Variants in PDE4A observed in about 807,000 individuals in gnomAD.
The protein encoded by PDE4A is 3',5'-cyclic-AMP phosphodiesterase 4A.
PDE4A carries 21 observed loss-of-function variants against 73.9 expected under a neutral mutation model. That is an observed-to-expected ratio of 0.28 (90% CI 0.20 to 0.41). The LOEUF is 0.41. PDE4A is among the 10% of genes least tolerant of loss of function. PDE4A has a pLI of 1.00. For synonymous variants in PDE4A, 463 were observed against 505.4 expected, an observed-to-expected ratio of 0.92 and a Z score of 1.13; for missense variants, 958 against 1,211.4, an observed-to-expected ratio of 0.79 and a Z score of 3.10.
At chr19:10,433,205 G>C (rs1484633844) in intron 1 of PDE4A, among the ~76,000 whole-genome samples, 1 of 151,994 alleles carries the variant, frequency 6.6e-6, no homozygotes, top group Non-Finnish European at 1.5e-5. Flanking sequence ...GTCACCTGGT[G>C]TTTACCGTAC....
chr19:10,422,729 G>A (rs929361874), intron 1 of PDE4A, among the ~76,000 whole-genome samples: 18 of 152,118 alleles, frequency 1.2e-4, no homozygotes, highest in Non-Finnish European at 2.9e-5. Flanking sequence ...CCACCAGGAA[G>A]CAAGTGTCAC....
rs1202649040 is a variant in PDE4A at position 10,437,225 on chromosome 19, GT to G, written c.321-8992del. ...TGCAATCTCCACCTCCCAGGATCAA[GT>G]GATTCTCCTGCCTCAGCCTCCTGAG... On this transcript the variant is annotated intron_variant, in intron 1 of 14. Transcript: ENST00000380702. Among the ~76,000 whole-genome samples the G allele has an allele frequency of 1.1e-3, 171 of 152,106 alleles. 1 individual carries two copies. The highest frequency in any genetic ancestry group is 4.1e-3 in the African/African-American group (170 of 41,506).
chr19:10,459,204 G>T, intron 8 of PDE4A, 196 bp from the exon 9 acceptor site: 2 of 906,752 alleles, frequency 2.2e-6, no homozygotes, highest in East Asian at 2.7e-5. Flanking sequence ...GTACTCAAAA[G>T]ACAGTGGCTG....
rs552971429 is a variant in PDE4A at position 10,432,183 on chromosome 19, G to A, written c.320+11099G>A. ...GGCCTAGGAGGGAGGAGACGGGGGG[G>A]GGGGGGGGAAGTGTGCGTCCGACTC... On this transcript the variant is annotated intron_variant, in intron 1 of 14. Transcript: ENST00000380702. 2.2e-4 allele frequency among the ~76,000 whole-genome samples: 31 copies of A among 142,730 alleles called. 3 individuals are homozygous for A. The highest frequency in any genetic ancestry group is 1.9e-3 in the South Asian group (8 of 4,228). The allele number at this position is 142,730 out of a possible 152,430, so 93.6% of individuals were successfully genotyped here.
At chr19:10,427,993 C>CAAAAAAA (rs5827099) in intron 1 of PDE4A, 1 of 107,718 alleles carries the variant, frequency 9.3e-6, no homozygotes, top group Non-Finnish European at 1.7e-5. Flanking sequence ...GAGACCCTGT[C>CAAAAAAA]AAAAAAAAAA....
In PDE4A at chr19:10,461,581, G is replaced by A; in HGVS notation, c.1521G>A (p.Leu507=). Residue 507 remains leucine (L), a synonymous_variant, in exon 12 of 15, where the codon CTG becomes CTA. Coordinates refer to ENST00000380702, the MANE Select transcript of PDE4A (RefSeq NM_001111307.2). ...NDESVLENHH[L]AVGFKLLQED... ...AGTCGGTGCTCGAGAATCACCACCT[G>A]GCCGTGGGCTTCAAGCTGCTGCAGG... The A allele has an allele frequency of 1.2e-6, 2 of 1,614,124 alleles. No homozygotes were observed. The highest frequency in any genetic ancestry group is 1.7e-6 in the Non-Finnish European group (2 of 1,180,022).
chr19:10,465,125 C>A (rs997602089), intron 14 of PDE4A, among the ~76,000 whole-genome samples: 2 of 152,104 alleles, frequency 1.3e-5, no homozygotes, highest in Non-Finnish European at 2.9e-5. Context: ...TTTGGGTGAT[C>A]ATTTTTTGTG....
At chr19:10,422,665 C>A (rs1321476492) in intron 1 of PDE4A, among the ~76,000 whole-genome samples, 1 of 152,110 alleles carries the variant, frequency 6.6e-6, no homozygotes, top group Non-Finnish European at 1.5e-5. Context: ...CTCCAGGCCA[C>A]CCCCACCTCT....
At chr19:10,452,438 CAAAA>C (rs562410531) in intron 6 of PDE4A, among the ~76,000 whole-genome samples, 1 of 128,212 alleles carries the variant, frequency 7.8e-6, no homozygotes. Flanking sequence ...AACTCCGTCT[CAAAA>C]AAAAAAAAAG....
At chr19:10,438,848 C>T (rs531836555) in intron 1 of PDE4A, among the ~76,000 whole-genome samples, 23 of 152,208 alleles carry the variant, frequency 1.5e-4, no homozygotes, top group South Asian at 2.1e-4. Flanking sequence ...TCAGGTGATC[C>T]GCCCACCTCA....
chr19:10,461,308 C>T (rs1411253383), intron 11 of PDE4A: 1 of 781,056 alleles, frequency 1.3e-6, no homozygotes, highest in Non-Finnish European at 1.5e-6. Flanking sequence ...GGAGGCGGGG[C>T]TGGCTGGGCT....
intron 1 of PDE4A, 109 bp downstream of exon 1, chr19:10,421,193 C>T (rs1429594315): frequency 6.8e-6 from 9 of 1,333,294 alleles, no homozygotes; most frequent in Non-Finnish European, 8.6e-6. Flanking sequence ...GTCGGTTTGG[C>T]TGGCGGGGGC....
At chr19:10,452,864 T>TCCCCC in intron 6 of PDE4A, 1 of 497,874 alleles carries the variant, frequency 2.0e-6, no homozygotes, top group Non-Finnish European at 2.6e-6. Context: ...GCCCCTTTAA[T>TCCCCC]ACCCCCCCAC....
At chr19:10,446,962 G>C (rs1248217902) in intron 2 of PDE4A, among the ~76,000 whole-genome samples, 6 of 136,808 alleles carry the variant, frequency 4.4e-5, no homozygotes, top group African/African-American at 1.4e-4. Context: ...GCAGTGGTGC[G>C]ATCGCGGCTC....
In PDE4A at chr19:10,420,619, G is replaced by T. The variant is rs1198800254; in HGVS notation, c.-146G>T. 3.1e-6 allele frequency: 4 copies of T among 1,306,536 alleles called. No individual in the cohort carries two copies. The highest frequency in any genetic ancestry group is 3.9e-6 in the Non-Finnish European group (4 of 1,032,850). The allele number at this position is 1,306,536 out of a possible 1,614,324, so 80.9% of individuals were successfully genotyped here. On this transcript the variant is annotated 5_prime_UTR_variant, in exon 1 of 15. Transcript: ENST00000380702. The surrounding 1 kb of genome is among the most constrained non-coding windows in gnomAD (Gnocchi z 6.0). ...GGCCCGGGGGCGATTGGCCCGCAGC[G>T]CCCCCGGGTCTGTCCCCGGGGCGCC...
At chr19:10,456,905 A>C (rs1018941867) in intron 7 of PDE4A, among the ~76,000 whole-genome samples, 1 of 152,096 alleles carries the variant, frequency 6.6e-6, no homozygotes, top group Non-Finnish European at 1.5e-5. Context: ...CAAGCTCAAG[A>C]AAAGTGTTGG....
upstream of PDE4A, among the ~76,000 whole-genome samples, chr19:10,418,501 A>G (rs1380383258): frequency 2.3e-5 from 3 of 131,632 alleles, no homozygotes; most frequent in South Asian, 4.8e-4. Context: ...GTTCCAATCC[A>G]CCCCCACCCC....
intron 1 of PDE4A, chr19:10,427,942 C>T: frequency 1.5e-6 from 1 of 661,498 alleles, no homozygotes; most frequent in Non-Finnish European, 1.9e-6. Flanking sequence ...TTGCAGTGAG[C>T]CAATATCATG....
intron 1 of PDE4A, among the ~76,000 whole-genome samples, chr19:10,435,661 A>G (rs1207592378): frequency 2.6e-5 from 4 of 152,126 alleles, no homozygotes; most frequent in Admixed American, 6.6e-5. Flanking sequence ...TTCACCTCCA[A>G]TGGAGCGTCT....
Sources: gnomAD v4.1 joint callset for allele counts (sites outside exome capture counted in the v4.1 genomes callset) on GRCh38, gnomAD v4.1.1 for gene constraint, Gnocchi (gnomAD v3.1) non-coding constraint, MANE v1.5 for transcripts, NCBI Gene and HGNC (gene_info 2026-07-23, HGNC 2026-07-21) for gene names.